The following ZNF625 variants were observed in gnomAD, a reference collection of about 807,000 sequenced individuals.
The protein encoded by ZNF625 is zinc finger protein 625.
Under a neutral mutation model 11.1 loss-of-function variants are expected in ZNF625, and 8 were observed. The observed-to-expected ratio is 0.72, with a 90% confidence interval of 0.42 to 1.30. The LOEUF (loss-of-function observed/expected upper bound fraction) is 1.30. ZNF625 is among the 50% of genes most tolerant of loss of function. The probability of loss-of-function intolerance (pLI) is 0.01; values close to 1 mark genes in which losing one functional copy is unlikely to be tolerated. For synonymous variants in ZNF625, 145 were observed against 153.4 expected (o/e 0.95, Z 0.41); for missense variants, 349 against 447.6 (o/e 0.78, Z 1.99).
At chr19:12,153,697 A>AC (rs1023191086) in intron 1 of ZNF625, among the ~76,000 whole-genome samples, 3 of 151,450 alleles carry the variant, frequency 2.0e-5, no homozygotes, top group Non-Finnish European at 4.4e-5. Flanking sequence ...AAAAAAAAAA[A>AC]ATACATGCAG....
At chr19:12,156,313 GGGGCCGGGGCCA>G (rs965820994) in intron 1 of ZNF625, among the ~76,000 whole-genome samples, 2 of 152,160 alleles carry the variant, frequency 1.3e-5, no homozygotes, top group African/African-American at 4.8e-5. Context: ...AGAGGGCTCC[GGGGCCGGGGCCA>G]GGGCCGGGGT....
At chr19:12,151,942 C>T (rs763593447) in intron 1 of ZNF625, among the ~76,000 whole-genome samples, 28 of 152,032 alleles carry the variant, frequency 1.8e-4, no homozygotes, top group Non-Finnish European at 3.1e-4. Flanking sequence ...CTTCCTAAAC[C>T]TAAGATCATG....
At chr19:12,151,065 T>C (rs1976947279) in intron 1 of ZNF625, among the ~76,000 whole-genome samples, 1 of 151,734 alleles carries the variant, frequency 6.6e-6, no homozygotes. Context: ...TTCTTCCATT[T>C]GGTGAATACT....
At position 12,146,202 on chromosome 19, in the gene ZNF625, A is replaced by T; in HGVS notation, c.214T>A (p.Leu72Ile). ...TGCTGATGATCTTTCTTACTTTCTA[A>T]GAGTCTCTCTCCCATAAGACCTCTG... ...NLRGLMGERL[L>I]ESKKDHQHGE... The change falls in exon 4 of 4, where the codon TTA becomes ATA. Residue 72 changes from leucine (L) to isoleucine (I), a missense_variant. Coordinates refer to ENST00000439556, the MANE Select transcript of ZNF625 (RefSeq NM_145233.4). The T allele has an allele frequency of 6.2e-7, 1 of 1,613,976 alleles. No homozygotes were observed.
intron 1 of ZNF625, among the ~76,000 whole-genome samples, chr19:12,153,805 CT>C (rs912782968): frequency 0.047 from 5,335 of 113,452 alleles, 169 homozygotes; most frequent in African/African-American, 0.19. Context: ...TTTTATATTT[CT>C]TTTTTTTTTT....
At chr19:12,156,531 G>T in intron 1 of ZNF625, 25 bp downstream of exon 1, 1 of 1,423,808 alleles carries the variant, frequency 7.0e-7, no homozygotes, top group East Asian at 2.8e-5. Flanking sequence ...CCCCCGTCTC[G>T]GGACCCCCGG....
chr19:12,147,369 C>G, intron 3 of ZNF625, 26 bp downstream of exon 3: 4 of 1,479,486 alleles, frequency 2.7e-6, no homozygotes, highest in Non-Finnish European at 3.6e-6. Flanking sequence ...AGAGAGACAT[C>G]ACTTTCTCTT....
At position 12,145,753 on chromosome 19, in the gene ZNF625, A is replaced by C; in HGVS notation, c.663T>G (p.Cys221Trp). The C allele has an allele frequency of 6.2e-7, 1 of 1,614,198 alleles. No individual in the cohort carries two copies. Among genetic ancestry groups the C allele is most frequent in the Non-Finnish European group, 8.5e-7 (1 of 1,180,032 alleles). ...GACTAAAGGCTTTACCACACTGTTT[A>C]CATTCATATGGTTTCTCTCCAGTGT... ...RTHTGEKPYE[C>W]KQCGKAFSHS... The change falls in exon 4 of 4, where the codon TGT (cysteine) becomes TGG (tryptophan). Residue 221 changes from cysteine to tryptophan, a missense_variant. Physicochemically the swap from Cys to Trp is radical, Grantham distance 215. Transcript: ENST00000439556.
chr19:12,153,805 CTT>C (rs912782968), intron 1 of ZNF625, among the ~76,000 whole-genome samples: 8 of 113,562 alleles, frequency 7.0e-5, no homozygotes, highest in Middle Eastern at 5.1e-3. Context: ...TTTTATATTT[CTT>C]TTTTTTTTTT....
At chr19:12,155,489 T>A (rs537089612) in intron 1 of ZNF625, among the ~76,000 whole-genome samples, 1 of 152,164 alleles carries the variant, frequency 6.6e-6, no homozygotes, top group Non-Finnish European at 1.5e-5. Flanking sequence ...CTCAACCACC[T>A]GTGCCTTCTA....
chr19:12,145,944 T>C lies in ZNF625; in HGVS notation c.472A>G (p.Thr158Ala), dbSNP rs745399357. Residue 158 changes from threonine to alanine, a missense_variant, in exon 4 of 4, where the codon ACT becomes GCT. Physicochemically the swap from Thr to Ala is moderately conservative, Grantham distance 58. Coordinates refer to ENST00000439556, the MANE Select transcript of ZNF625 (RefSeq NM_145233.4). ...PYFRTHEWAH[T>A]GGKPYDCEEC... ...TCACAATCATAAGGTTTCCCCCCAG[T>C]GTGAGCCCATTCATGTGTTCGAAAG... 1 of 1,614,176 alleles carries C rather than the reference T, an allele frequency of 6.2e-7. No individual in the cohort carries two copies. Among genetic ancestry groups the C allele is most frequent in the Admixed American group, 1.7e-5 (1 of 60,026 alleles).
At position 12,145,613 on chromosome 19, in the gene ZNF625, G is replaced by C. The variant is rs1230351359; in HGVS notation, c.803C>G (p.Thr268Ser). The stretch of plus-strand genomic sequence containing the variant: ...TTCATACGGCTTCTCCCCAGTGTGA[G>C]TTATTTTATGTGCATGGAGGCATGT... ...SSTCLHAHKI[T>S]HTGEKPYECK... Residue 268 changes from threonine to serine, a missense_variant, in exon 4 of 4, where the codon ACT becomes AGT. Coordinates refer to ENST00000439556, the MANE Select transcript of ZNF625 (RefSeq NM_145233.4). 1.9e-6 allele frequency: 3 copies of C among 1,614,112 alleles called. No individual in the cohort carries two copies. Among genetic ancestry groups the C allele is most frequent in the Non-Finnish European group, 2.5e-6 (3 of 1,180,036 alleles).
At position 12,145,855 on chromosome 19, in the gene ZNF625, T is replaced by G. The variant is rs906552539; in HGVS notation, c.561A>C (p.Gly187=). 1.2e-6 allele frequency: 2 copies of G among 1,614,092 alleles called. No homozygotes were observed. The highest frequency in any genetic ancestry group is 1.7e-6 in the Non-Finnish European group (2 of 1,180,058). ...SIRRHRIMHS[G]DGPYKCNFCG... ...AAAAGTTACATTTGTAGGGTCCATC[T>G]CCACTGTGCATTATCCTGTGTCTTC... The change falls in exon 4 of 4, where the codon GGA becomes GGC. Residue 187 remains glycine, a synonymous_variant. Coordinates refer to ENST00000439556, the MANE Select transcript of ZNF625 (RefSeq NM_145233.4).
chr19:12,150,769 AG>A (rs1976943345), intron 1 of ZNF625, among the ~76,000 whole-genome samples: 1 of 151,966 alleles, frequency 6.6e-6, no homozygotes, highest in African/African-American at 2.4e-5. Flanking sequence ...GGAAGGAAGG[AG>A]GGTGTCCTGA....
In ZNF625 at chr19:12,145,746, ACT is replaced by A. The variant is rs1976860858; in HGVS notation, c.668_669del (p.Gln223LeufsTer3). The A allele has an allele frequency of 6.2e-7, 1 of 1,614,208 alleles. No homozygotes were observed. Among genetic ancestry groups the A allele is most frequent in the East Asian group, 2.2e-5 (1 of 44,890 alleles). On this transcript the variant is annotated frameshift_variant, in exon 4 of 4. Transcript: ENST00000439556. LOFTEE classifies it low-confidence loss of function (END_TRUNC). ...CCAGAATGACTAAAGGCTTTACCAC[ACT>A]GTTTACATTCATATGGTTTCTCTCC... ...HTGEKPYECK[Q>X]CGKAFSHSGS...
chr19:12,145,330 G>T lies in ZNF625; in HGVS notation c.1086C>A (p.Asn362Lys). ...TCTTCTCGCCTTGGCCTTTCGAAGT[G>T]TTGGAGCTACAGGGTTTTTCTCCAG... Reference protein sequence around the residue: ...THTGEKPCSSNTSKGQGEKIA With the variant: ...THTGEKPCSSKTSKGQGEKIA The change falls in exon 4 of 4, where the codon AAC (asparagine) becomes AAA (lysine). Residue 362 changes from asparagine to lysine, a missense_variant. Transcript: ENST00000439556. 6.2e-7 allele frequency: 1 copy of T among 1,613,642 alleles called. No individual in the cohort carries two copies. The highest frequency in any genetic ancestry group is 8.5e-7 in the Non-Finnish European group (1 of 1,179,750).
intron 1 of ZNF625, among the ~76,000 whole-genome samples, chr19:12,150,459 C>A (rs1799968174): frequency 6.6e-6 from 1 of 152,146 alleles, no homozygotes; most frequent in Non-Finnish European, 1.5e-5. Context: ...TACCCCTATT[C>A]ATAACTCATC....
At chr19:12,153,349 CA>C (rs1260818004) in intron 1 of ZNF625, among the ~76,000 whole-genome samples, 959 of 61,456 alleles carry the variant, frequency 0.016, 2 homozygotes, top group Middle Eastern at 0.048. Context: ...GACTCCATCT[CA>C]AAAAAAAAAA....
At position 12,145,954 on chromosome 19, in the gene ZNF625, T is replaced by C; in HGVS notation, c.462A>G (p.Glu154=). The change falls in exon 4 of 4, where the codon GAA becomes GAG. Residue 154 remains glutamate (E), a synonymous_variant. Coordinates refer to ENST00000439556, the MANE Select transcript of ZNF625 (RefSeq NM_145233.4). ...AAGGTTTCCCCCCAGTGTGAGCCCA[T>C]TCATGTGTTCGAAAGTAGGGGAGAT... ...FSDLPYFRTH[E]WAHTGGKPYD... 6.2e-7 allele frequency: 1 copy of C among 1,614,224 alleles called. No homozygotes were observed. Among genetic ancestry groups the C allele is most frequent in the African/African-American group, 1.3e-5 (1 of 75,060 alleles).
Sources: gnomAD v4.1 joint callset for allele counts (sites outside exome capture counted in the v4.1 genomes callset) on GRCh38, gnomAD v4.1.1 for gene constraint, MANE v1.5 for transcripts, NCBI Gene and HGNC (gene_info 2026-07-23, HGNC 2026-07-21) for gene names.